The following TLN2 variants were observed in gnomAD, a reference collection of about 807,000 sequenced individuals.
TLN2 encodes the protein talin 2.
A neutral mutation model predicts 294.7 loss-of-function variants in TLN2; 118 were observed. The ratio of observed to expected loss-of-function variants is 0.40; its 90% CI spans 0.34 to 0.47. The LOEUF (loss-of-function observed/expected upper bound fraction) is 0.47, where lower values mean the gene tolerates loss of function less well. Ranked by LOEUF, TLN2 falls within the 20% of genes least tolerant of loss-of-function variation. The pLI is 0.84. For missense variants in TLN2, 3,083 were observed against 3,282.2 expected, an observed-to-expected ratio of 0.94 and a Z score of 1.48; for synonymous variants, 1,431 against 1,304.5, an observed-to-expected ratio of 1.10 and a Z score of -2.09.
At chr15:62,820,041 A>G (rs893230512) in intron 53 of TLN2, among the ~76,000 whole-genome samples, 1 of 152,218 alleles carries the variant, frequency 6.6e-6, no homozygotes, top group Non-Finnish European at 1.5e-5. Flanking sequence ...CACCTGGGAA[A>G]GGTCTTCTCA....
At chr15:62,733,771 A>T (rs2060858051) in intron 28 of TLN2, 1 of 152,272 alleles carries the variant, frequency 6.6e-6, no homozygotes, top group Admixed American at 6.5e-5. Context: ...ATACTGTGAA[A>T]GTAATCTGTG....
chr15:62,564,612 T>A (rs886568671), intron 1 of TLN2, among the ~76,000 whole-genome samples: 1 of 152,096 alleles, frequency 6.6e-6, no homozygotes, highest in African/African-American at 2.4e-5. Context: ...CTGTGTAAGA[T>A]GTTGCATTCC....
At chr15:62,409,279 A>T in intron 1 of TLN2, among the ~76,000 whole-genome samples, 1 of 152,088 alleles carries the variant, frequency 6.6e-6, no homozygotes, top group East Asian at 1.9e-4. Flanking sequence ...TGTAGTTTTT[A>T]TAATCAAAAT....
chr15:62,830,362 T>C (rs1306217299), intron 54 of TLN2: 1 of 152,646 alleles, frequency 6.6e-6, no homozygotes, highest in Non-Finnish European at 1.5e-5. Flanking sequence ...GTGCACCATG[T>C]TGTTCTTCTT....
At chr15:62,603,799 T>C (rs1164603495) in intron 2 of TLN2, among the ~76,000 whole-genome samples, 1 of 152,232 alleles carries the variant, frequency 6.6e-6, no homozygotes, top group Non-Finnish European at 1.5e-5. Context: ...CAAGTAGCAG[T>C]AAATAAGGTT....
chr15:62,495,032 G>C (rs994191861), intron 1 of TLN2, among the ~76,000 whole-genome samples: 2 of 152,210 alleles, frequency 1.3e-5, no homozygotes, highest in Non-Finnish European at 2.9e-5. Flanking sequence ...CAGGCCCAAA[G>C]GCAGCTTTTA....
intron 1 of TLN2, among the ~76,000 whole-genome samples, chr15:62,582,045 GAAAAAA>G (rs112327795): frequency 2.1e-5 from 3 of 140,650 alleles, no homozygotes; most frequent in South Asian, 2.3e-4. Context: ...ACTCTGTCTA[GAAAAAA>G]AAAAAAGAAA....
At chr15:62,652,191 C>G (rs1009630604) in intron 6 of TLN2, 57 bp downstream of exon 6, 36 of 1,441,512 alleles carry the variant, frequency 2.5e-5, no homozygotes, top group Non-Finnish European at 3.1e-5. Flanking sequence ...TTACAGGCCT[C>G]TTCTTTTTTC....
chr15:62,707,447 A>G (rs958718338), intron 20 of TLN2, among the ~76,000 whole-genome samples, 194 bp downstream of exon 20: 2 of 152,238 alleles, frequency 1.3e-5, no homozygotes, highest in Admixed American at 6.5e-5. Flanking sequence ...TTCTTTGCCC[A>G]AGTCCTCAGG....
At chr15:62,614,562 G>C (rs2048161666) in intron 2 of TLN2, among the ~76,000 whole-genome samples, 1 of 152,120 alleles carries the variant, frequency 6.6e-6, no homozygotes, top group East Asian at 1.9e-4. Context: ...CTGCTCGAAA[G>C]AACATTCACT....
At chr15:62,409,850 C>A (rs2033656512) in intron 1 of TLN2, among the ~76,000 whole-genome samples, 1 of 152,188 alleles carries the variant, frequency 6.6e-6, no homozygotes, top group Non-Finnish European at 1.5e-5. Flanking sequence ...AAGTTCTGTG[C>A]TTTGCAGATG....
chr15:62,698,223 T>C (rs1453429529), intron 15 of TLN2, among the ~76,000 whole-genome samples: 1 of 152,182 alleles, frequency 6.6e-6, no homozygotes, highest in Non-Finnish European at 1.5e-5. Context: ...TGGGAGTCAT[T>C]GATTCCTTTC....
At chr15:62,661,033 A>C (rs1302563503) in intron 9 of TLN2, among the ~76,000 whole-genome samples, 1 of 152,208 alleles carries the variant, frequency 6.6e-6, no homozygotes, top group Non-Finnish European at 1.5e-5. Flanking sequence ...GATTAAAGAA[A>C]TTGACAAAGT....
intron 1 of TLN2, among the ~76,000 whole-genome samples, chr15:62,518,690 C>T (rs1337106492): frequency 1.3e-5 from 2 of 152,050 alleles, no homozygotes; most frequent in African/African-American, 4.8e-5. Flanking sequence ...CTCTGCCTCC[C>T]AGCTTCAAGC....
chr15:62,779,926 T>C (rs192036046), intron 43 of TLN2, among the ~76,000 whole-genome samples: 42 of 152,336 alleles, frequency 2.8e-4, no homozygotes, highest in Non-Finnish European at 4.7e-4. Flanking sequence ...ACATGCCTGC[T>C]CATGACATAT....
intron 39 of TLN2, 199 bp from the exon 40 acceptor site, chr15:62,763,362 TAG>T (rs1190150462): frequency 3.8e-6 from 2 of 524,384 alleles, no homozygotes; most frequent in African/African-American, 1.9e-5. Context: ...CAGAAATAAG[TAG>T]AGTTATCTGA....
intron 3 of TLN2, among the ~76,000 whole-genome samples, chr15:62,636,114 A>C (rs1050197161): frequency 2.3e-4 from 35 of 152,156 alleles, no homozygotes; most frequent in African/African-American, 8.2e-4. Flanking sequence ...CTATATACTT[A>C]AAATTTTTAA....
chr15:62,472,948 C>T (rs572841597), intron 1 of TLN2, among the ~76,000 whole-genome samples: 2 of 152,174 alleles, frequency 1.3e-5, no homozygotes, highest in African/African-American at 2.4e-5. Context: ...GTGGCCATGT[C>T]TGGTTCTTTG....
At chr15:62,521,643 AG>A (rs2040463627) in intron 1 of TLN2, among the ~76,000 whole-genome samples, 1 of 152,128 alleles carries the variant, frequency 6.6e-6, no homozygotes, top group African/African-American at 2.4e-5. Context: ...CCTCCAGTTA[AG>A]CAGCCTTCAG....
Sources: gnomAD v4.1 joint callset for allele counts (sites outside exome capture counted in the v4.1 genomes callset) on GRCh38, gnomAD v4.1.1 for gene constraint, MANE v1.5 for transcripts, NCBI Gene and HGNC (gene_info 2026-07-23, HGNC 2026-07-21) for gene names.